The following CABIN1 variants were observed in gnomAD, a reference collection of about 807,000 sequenced individuals.
The protein encoded by CABIN1 is calcineurin binding protein 1, also known as calcineurin-binding protein cabin-1.
CABIN1 carries 133 observed loss-of-function variants against 227.7 expected under a neutral mutation model. The observed-to-expected ratio is 0.58, with a 90% CI of 0.51 to 0.67. The LOEUF (loss-of-function observed/expected upper bound fraction) is 0.67. CABIN1 is among the 30% of genes least tolerant of loss of function. The pLI is 0.00. For synonymous variants in CABIN1, 1,086 were observed against 1,155.1 expected, an observed-to-expected ratio of 0.94 and a Z score of 1.21; for missense variants, 2,408 against 2,852.5, an observed-to-expected ratio of 0.84 and a Z score of 3.55.
intron 26 of CABIN1, among the ~76,000 whole-genome samples, chr22:24,098,799 A>G (rs2042044554): frequency 6.6e-6 from 1 of 152,108 alleles, no homozygotes; most frequent in African/African-American, 2.4e-5. Flanking sequence ...CGATTTCTTC[A>G]TGTTCTCTCA....
At chr22:24,083,418 GA>G (rs1569185425) in intron 20 of CABIN1, 29 bp downstream of exon 20, 2 of 1,613,072 alleles carry the variant, frequency 1.2e-6, no homozygotes, top group African/African-American at 1.3e-5. Flanking sequence ...GCCCAACAAA[GA>G]GGGAAGCAGG....
chr22:24,029,614 C>T (rs1341508032), intron 1 of CABIN1, among the ~76,000 whole-genome samples: 1 of 151,992 alleles, frequency 6.6e-6, no homozygotes, highest in Non-Finnish European at 1.5e-5. Flanking sequence ...TGTTCAAAGC[C>T]CCCACAGTCT....
chr22:24,074,634 G>A (rs1248046169), intron 18 of CABIN1, among the ~76,000 whole-genome samples: 1 of 152,078 alleles, frequency 6.6e-6, no homozygotes, highest in African/African-American at 2.4e-5. Flanking sequence ...GGTGGTGAGG[G>A]GCCTGGTGAG....
chr22:24,130,343 G>C (rs142029734), intron 28 of CABIN1, among the ~76,000 whole-genome samples: 1 of 152,188 alleles, frequency 6.6e-6, no homozygotes. Context: ...GATAGGTCAG[G>C]GGGCAGGGGA....
At position 24,035,490 on chromosome 22, in the gene CABIN1, C is replaced by G; in HGVS notation, c.-28C>G. 1 of 1,614,102 alleles carries G rather than the reference C, an allele frequency of 6.2e-7. No homozygotes were observed. Among genetic ancestry groups the G allele is most frequent in the Non-Finnish European group, 8.5e-7 (1 of 1,179,972 alleles). On this transcript the variant is annotated 5_prime_UTR_variant, in exon 2 of 37. Transcript: ENST00000263119. ...CCTTTGCCAGTGATGAGAAGTGATGCTCGTGGCAGTGCTGAATCTCTCTGA... is the reference window on the plus strand; with the variant it reads ...CCTTTGCCAGTGATGAGAAGTGATGGTCGTGGCAGTGCTGAATCTCTCTGA...
chr22:24,053,344 G>A (rs187218708), intron 8 of CABIN1, among the ~76,000 whole-genome samples: 61 of 151,286 alleles, frequency 4.0e-4, no homozygotes, highest in African/African-American at 1.4e-3. Flanking sequence ...CCAAAGTACT[G>A]GGATTACAGG....
At chr22:24,020,871 A>G (rs943500009) in intron 1 of CABIN1, among the ~76,000 whole-genome samples, 4 of 152,078 alleles carry the variant, frequency 2.6e-5, no homozygotes, top group Non-Finnish European at 5.9e-5. Flanking sequence ...TGCTGTGAGC[A>G]CTGGAGAAGA....
chr22:24,143,478 G>A (rs764065053), intron 29 of CABIN1, among the ~76,000 whole-genome samples: 2 of 152,220 alleles, frequency 1.3e-5, no homozygotes, highest in Non-Finnish European at 2.9e-5. Context: ...GGCTCCAACT[G>A]GCTGGCTAGC....
Position 24,147,349 on chromosome 22 carries a change from CTCCCTCCCTCCCTGCT to C in CABIN1, c.4746+12940_4746+12955del, listed in dbSNP as rs1222442158. ...CCTCCTCTCCTCCCTCCCTCCCTGC[CTCCCTCCCTCCCTGCT>C]TCCCTGCCTCCCTCCCTCCGTTCCT... On this transcript the variant is annotated intron_variant, in intron 29 of 36. Transcript: ENST00000263119. 2.9e-5 allele frequency among the ~76,000 whole-genome samples: 4 copies of C among 139,504 alleles called. No homozygotes were observed. In the East Asian group the frequency reaches 6.6e-4, roughly 23 times the overall value. 91.5% of individuals were successfully genotyped at this position (139,504 alleles called of 152,430 possible).
At chr22:24,038,955 A>T (rs1342521299) in intron 4 of CABIN1, among the ~76,000 whole-genome samples, 1 of 152,240 alleles carries the variant, frequency 6.6e-6, no homozygotes, top group Non-Finnish European at 1.5e-5. Context: ...AATTTTGAAT[A>T]TAGTCAGAAG....
chr22:24,130,691 C>T (rs1602253585), intron 28 of CABIN1, among the ~76,000 whole-genome samples: 2 of 152,270 alleles, frequency 1.3e-5, no homozygotes, highest in Admixed American at 1.3e-4. Flanking sequence ...ATTCCCCAGA[C>T]AGGTCTCAGC....
chr22:24,049,546 A>G (rs1601787129), intron 7 of CABIN1, among the ~76,000 whole-genome samples: 1 of 152,060 alleles, frequency 6.6e-6, no homozygotes, highest in African/African-American at 2.4e-5. Context: ...TCCCCTTCCC[A>G]GGGTTTTGTT....
intron 16 of CABIN1, 152 bp downstream of exon 16, chr22:24,067,333 C>T (rs775756792): frequency 7.0e-6 from 6 of 856,070 alleles, no homozygotes; most frequent in Non-Finnish European, 1.1e-5. Flanking sequence ...AGATGTTAGT[C>T]AGAAGATATG....
intron 19 of CABIN1, among the ~76,000 whole-genome samples, chr22:24,082,052 T>G (rs1171443171): frequency 1.3e-5 from 2 of 151,748 alleles, no homozygotes; most frequent in East Asian, 3.9e-4. Flanking sequence ...AAATTTGTTT[T>G]CTTCTCAGGT....
At chr22:24,115,274 G>C (rs1229286057) in intron 27 of CABIN1, among the ~76,000 whole-genome samples, 4 of 152,206 alleles carry the variant, frequency 2.6e-5, no homozygotes, top group African/African-American at 4.8e-5. Context: ...ACGAAGCAGA[G>C]AGTGAGTTGG....
chr22:24,083,178 G>A (rs1569184719), intron 19 of CABIN1, 50 bp from the exon 20 acceptor site: 2 of 1,598,546 alleles, frequency 1.3e-6, no homozygotes, highest in Non-Finnish European at 1.7e-6. Flanking sequence ...GTGACAGGGA[G>A]GCAGTGGCTA....
intron 18 of CABIN1, among the ~76,000 whole-genome samples, 164 bp downstream of exon 18, chr22:24,072,674 G>A (rs987528052): frequency 6.6e-6 from 1 of 152,180 alleles, no homozygotes; most frequent in African/African-American, 2.4e-5. Context: ...AGTGTCCTTG[G>A]TTTCTCCCTG....
At chr22:24,136,939 G>T (rs1274915563) in intron 29 of CABIN1, among the ~76,000 whole-genome samples, 2 of 152,156 alleles carry the variant, frequency 1.3e-5, no homozygotes, top group African/African-American at 4.8e-5. Flanking sequence ...CCCTTTGTCA[G>T]TGTTTTGAAA....
At chr22:24,024,197 GT>G (rs925284197) in intron 1 of CABIN1, among the ~76,000 whole-genome samples, 10 of 149,234 alleles carry the variant, frequency 6.7e-5, no homozygotes, top group South Asian at 6.4e-4. Context: ...TTGCATAAAA[GT>G]TTTTTTTTTA....
Sources: gnomAD v4.1 joint callset for allele counts (sites outside exome capture counted in the v4.1 genomes callset) on GRCh38, gnomAD v4.1.1 for gene constraint, MANE v1.5 for transcripts, NCBI Gene and HGNC (gene_info 2026-07-23, HGNC 2026-07-21) for gene names.